The following GPC1 variants were observed in gnomAD, a reference collection of about 807,000 sequenced individuals.
GPC1 encodes the protein glypican-1.
GPC1 carries 26 observed loss-of-function variants against 51.5 expected under a neutral mutation model. The observed-to-expected ratio is 0.50, with a 90% CI of 0.37 to 0.70. GPC1 has a LOEUF of 0.70. GPC1 is among the 30% of genes least tolerant of loss of function. The pLI is 0.00. For missense variants in GPC1, 775 were observed against 800.5 expected, an observed-to-expected ratio of 0.97 and a Z score of 0.38; for synonymous variants, 380 against 348.3, an observed-to-expected ratio of 1.09 and a Z score of -1.01.
chr2:240,449,859 A>G (rs755345052), intron 1 of GPC1: 1 of 470,694 alleles, frequency 2.1e-6, no homozygotes, highest in South Asian at 1.5e-5. Flanking sequence ...AGGTTCCTCC[A>G]CGCCGGAGCA....
chr2:240,462,385 C>T lies in GPC1; in HGVS notation c.520C>T (p.Leu174Phe), dbSNP rs2074224193. The T allele has an allele frequency of 6.3e-7, 1 of 1,596,322 alleles. No homozygotes were observed. The highest frequency in any genetic ancestry group is 8.5e-7 in the Non-Finnish European group (1 of 1,172,108). ...AEFWARLLER[L>F]FKQLHPQLLL... ...GTTCTGGGCCCGCCTGCTCGAGCGC[C>T]TCTTCAAGCAGCTGCACCCCCAGCT... Residue 174 changes from leucine (L) to phenylalanine (F), a missense_variant, in exon 3 of 9, where the codon CTC becomes TTC. Physicochemically the swap from Leu to Phe is conservative, Grantham distance 22 (BLOSUM62 0). Coordinates refer to ENST00000264039, the MANE Select transcript of GPC1 (RefSeq NM_002081.3).
intron 1 of GPC1, among the ~76,000 whole-genome samples, chr2:240,436,408 G>A (rs2073984697): frequency 6.6e-6 from 1 of 152,152 alleles, no homozygotes; most frequent in South Asian, 2.1e-4. Context: ...CCCGGGCCAC[G>A]GCTGGAGCTG....
chr2:240,463,406 C>T lies in GPC1; in HGVS notation c.777C>T (p.Cys259=). 4 of 1,612,828 alleles carry T rather than the reference C, an allele frequency of 2.5e-6. No homozygotes were observed. Among genetic ancestry groups the T allele is most frequent in the Non-Finnish European group, 3.4e-6 (4 of 1,179,830 alleles). ...AVMKLVYCAH[C]LGVPGARPCP... ...TGAAGCTGGTCTACTGTGCTCACTG[C>T]CTGGGAGTCCCCGGCGCCAGGCCCT... is the stretch of plus-strand genomic sequence containing the variant. The change falls in exon 4 of 9, where the codon TGC becomes TGT. Residue 259 remains cysteine, a synonymous_variant. Coordinates refer to ENST00000264039, the MANE Select transcript of GPC1 (RefSeq NM_002081.3).
At chr2:240,454,159 G>A (rs992296910) in intron 1 of GPC1, among the ~76,000 whole-genome samples, 3 of 152,222 alleles carry the variant, frequency 2.0e-5, no homozygotes, top group African/African-American at 4.8e-5. Context: ...GAGGAGCTGA[G>A]ATGCCGTGGC....
At position 240,462,277 on chromosome 2, in the gene GPC1, G is replaced by A. The variant is rs780671031; in HGVS notation, c.412G>A (p.Ala138Thr). The A allele has an allele frequency of 6.2e-6, 10 of 1,610,006 alleles. No homozygotes were observed. Among genetic ancestry groups the A allele is most frequent in the Admixed American group, 3.3e-5 (2 of 59,742 alleles). The stretch of plus-strand genomic sequence containing the variant: ...CTTCGGAGAGCTGTACACGCAGAAC[G>A]CGAGGGCCTTCCGGGACCTGTACTC... ...GAFGELYTQN[A>T]RAFRDLYSEL... Residue 138 changes from alanine (A) to threonine (T), a missense_variant, in exon 3 of 9, where the codon GCG becomes ACG. Physicochemically the swap from Ala to Thr is moderately conservative, Grantham distance 58 (BLOSUM62 0). Transcript: ENST00000264039.
intron 8 of GPC1, 76 bp from the exon 9 acceptor site, chr2:240,465,982 A>AAGT: frequency 1.8e-6 from 1 of 569,658 alleles, no homozygotes; most frequent in Non-Finnish European, 2.8e-6. Flanking sequence ...GTCACCTGGC[A>AAGT]CGGGCCCTTA....
rs561796181 is a variant in GPC1 at position 240,451,113 on chromosome 2, C to A, written c.167-7917C>A. 3.0e-5 allele frequency: 14 copies of A among 470,936 alleles called. No homozygotes were observed. In the Admixed American group the frequency reaches 3.3e-4, roughly 11 times the overall value. 29.2% of individuals were successfully genotyped at this position (470,936 alleles called of 1,614,324 possible). On this transcript the variant is annotated intron_variant, in intron 1 of 8. Transcript: ENST00000264039. ...AGGTGAGCGGCCGAGTTCCTTTGCTCCCTCCCCTTCTGTTCCTTCCCCAGT... is the reference window on the plus strand; with the variant it reads ...AGGTGAGCGGCCGAGTTCCTTTGCTACCTCCCCTTCTGTTCCTTCCCCAGT...
chr2:240,450,998 G>A (rs1242171868), intron 1 of GPC1: 1 of 412,978 alleles, frequency 2.4e-6, no homozygotes, highest in Admixed American at 2.6e-5. Flanking sequence ...ACTGGGTGGA[G>A]TGACTGGGTG....
chr2:240,452,003 TCA>T (rs1296735276), intron 1 of GPC1: 1 of 152,882 alleles, frequency 6.5e-6, no homozygotes, highest in Non-Finnish European at 1.5e-5. Flanking sequence ...CCAGCAGCTC[TCA>T]GTGTGCCCAT....
intron 2 of GPC1, among the ~76,000 whole-genome samples, chr2:240,460,646 C>A (rs2074208094): frequency 6.6e-6 from 1 of 152,226 alleles, no homozygotes; most frequent in Non-Finnish European, 1.5e-5. Context: ...CCTCCCTCTG[C>A]TGCCCTCTGG....
rs2074069602 is a variant in GPC1, at chr2:240,448,664, C to T, written c.167-10366C>T. Among the ~76,000 whole-genome samples the T allele has an allele frequency of 6.6e-6, 1 of 151,916 alleles. No individual in the cohort carries two copies. Among genetic ancestry groups the T allele is most frequent in the Non-Finnish European group, 1.5e-5 (1 of 67,994 alleles). Reference sequence around the variant, plus strand: ...GGGAGGCGATCAGGCAGGCACATGACAGGACCACCTGCTCAGAGTCTCCCT... The same window carrying T: ...GGGAGGCGATCAGGCAGGCACATGATAGGACCACCTGCTCAGAGTCTCCCT... On this transcript the variant is annotated intron_variant, in intron 1 of 8. Transcript: ENST00000264039. The surrounding 1 kb of genome is among the most constrained non-coding windows in gnomAD (Gnocchi z 4.5).
At chr2:240,454,915 A>T (rs2151792566) in intron 1 of GPC1, 1 of 215,742 alleles carries the variant, frequency 4.6e-6, no homozygotes, top group East Asian at 1.9e-4. Flanking sequence ...GGCCACTGTC[A>T]GGATGGGAGT....
At chr2:240,438,081 C>T (rs775990934) in intron 1 of GPC1, among the ~76,000 whole-genome samples, 4 of 152,132 alleles carry the variant, frequency 2.6e-5, no homozygotes, top group East Asian at 1.9e-4. Flanking sequence ...CTGTCCACCC[C>T]GCGTGGGGAG....
chr2:240,446,010 G>T (rs901513141), intron 1 of GPC1, among the ~76,000 whole-genome samples: 4 of 152,230 alleles, frequency 2.6e-5, no homozygotes, highest in African/African-American at 9.6e-5. Context: ...GTATGCTTCA[G>T]AAACAAGCAT....
chr2:240,450,881 C>T (rs1559196934), intron 1 of GPC1: 1 of 431,122 alleles, frequency 2.3e-6, no homozygotes, highest in Non-Finnish European at 4.8e-6. Flanking sequence ...CTGGAAGGAG[C>T]ATGGCTTGTT....
intron 1 of GPC1, among the ~76,000 whole-genome samples, chr2:240,438,652 G>A (rs948900354): frequency 1.3e-5 from 2 of 152,232 alleles, no homozygotes; most frequent in African/African-American, 4.8e-5. Flanking sequence ...AGAGCAGTTG[G>A]CCCTGGGTGT....
intron 1 of GPC1, chr2:240,458,419 C>T (rs942683619): frequency 9.1e-6 from 2 of 220,952 alleles, no homozygotes; most frequent in Admixed American, 4.6e-5. Context: ...GCACAGGGTG[C>T]ACCCTGCAGG....
chr2:240,465,073 A>C lies in GPC1; in HGVS notation c.1135-4A>C, dbSNP rs1275169220. 1 of 1,601,510 alleles carries C rather than the reference A, an allele frequency of 6.2e-7. No homozygotes were observed. The highest frequency in any genetic ancestry group is 1.1e-5 in the South Asian group (1 of 89,154). ...AGCCCAGTGGCCTGACTGCTGCCCCACAGGTCTCCGAAGCCAAGGCCCAGC... is the reference window on the plus strand; with the variant it reads ...AGCCCAGTGGCCTGACTGCTGCCCCCCAGGTCTCCGAAGCCAAGGCCCAGC... On this transcript the variant is annotated splice_polypyrimidine_tract_variant and splice_region_variant and intron_variant, in intron 6 of 8. Transcript: ENST00000264039.
chr2:240,456,940 C>T (rs1240479894), intron 1 of GPC1, among the ~76,000 whole-genome samples: 4 of 152,174 alleles, frequency 2.6e-5, no homozygotes, highest in South Asian at 2.1e-4. Flanking sequence ...CTCTCAGAGC[C>T]GGGCTCTGTC....
Sources: allele counts gnomAD v4.1 joint callset (sites outside exome capture counted in the v4.1 genomes callset), GRCh38; gene constraint gnomAD v4.1.1; non-coding constraint Gnocchi (gnomAD v3.1); transcripts MANE v1.5; gene names NCBI Gene and HGNC (gene_info 2026-07-23, HGNC 2026-07-21).